PCDHA4: variants seen among roughly 807,000 people sequenced by gnomAD.
PCDHA4 encodes the protein protocadherin alpha 4.
Under a neutral mutation model 61.4 loss-of-function variants are expected in PCDHA4, and 49 were observed. That is an observed-to-expected ratio of 0.80 (90% confidence interval 0.63 to 1.01). PCDHA4 has a LOEUF of 1.01. Ranked by LOEUF, PCDHA4 falls within the 50% of genes least tolerant of loss-of-function variation. The probability of loss-of-function intolerance (pLI) is 0.00; values close to 1 mark genes in which losing one functional copy is unlikely to be tolerated. For synonymous variants in PCDHA4, 590 were observed against 550.3 expected (o/e 1.07, Z -1.01); for missense variants, 1,254 against 1,235.8 (o/e 1.01, Z -0.22).
chr5:140,829,811 G>T (rs1554132272), intron 1 of PCDHA4: 1 of 1,613,910 alleles, frequency 6.2e-7, no homozygotes, highest in Non-Finnish European at 8.5e-7. Flanking sequence ...GGGTGGTACT[G>T]GTGGTGCAGT....
chr5:140,915,306 A>G (rs999638953), intron 1 of PCDHA4, among the ~76,000 whole-genome samples: 1 of 152,136 alleles, frequency 6.6e-6, no homozygotes, highest in Non-Finnish European at 1.5e-5. Context: ...ATAAGTTTAC[A>G]TACCACAATT....
chr5:140,977,872 T>A (rs1554238851), intron 1 of PCDHA4, among the ~76,000 whole-genome samples: 1 of 152,258 alleles, frequency 6.6e-6, no homozygotes, highest in African/African-American at 2.4e-5. Flanking sequence ...ATGGTAAGTA[T>A]AATGTAGAGG....
rs376607115 is a variant in PCDHA4 at position 141,006,474 on chromosome 5, A to G, written c.2534-3153A>G. Among the ~76,000 whole-genome samples, 193 of 152,188 alleles carry G rather than the reference A, an allele frequency of 1.3e-3. 1 individual carries two copies. The highest frequency in any genetic ancestry group is 4.5e-3 in the African/African-American group (185 of 41,520). ...GAGATCTGCCTGTCTCGGCCTCCCA[A>G]AGTGCTGGGATTACATGTGTGAGCC... On this transcript the variant is annotated intron_variant, in intron 3 of 3. Transcript: ENST00000530339.
chr5:140,814,885 G>A (rs1765613574), intron 1 of PCDHA4: 1 of 152,188 alleles, frequency 6.6e-6, no homozygotes. Context: ...GGGTGCATAT[G>A]TATTTATAAT....
chr5:140,882,449 C>T (rs782741434), intron 1 of PCDHA4: 1 of 1,614,022 alleles, frequency 6.2e-7, no homozygotes, highest in Admixed American at 1.7e-5. Context: ...GGAGCTGGTG[C>T]CGCGCCTGTT....
intron 3 of PCDHA4, among the ~76,000 whole-genome samples, chr5:140,989,192 C>A (rs1458235302): frequency 6.6e-6 from 1 of 152,192 alleles, no homozygotes; most frequent in African/African-American, 2.4e-5. Context: ...GAATTACCCT[C>A]CCTTCTAGCT....
At chr5:140,965,442 G>A (rs782186943) in intron 1 of PCDHA4, among the ~76,000 whole-genome samples, 3 of 151,978 alleles carry the variant, frequency 2.0e-5, no homozygotes, top group Non-Finnish European at 4.4e-5. Flanking sequence ...CATTGAAATT[G>A]CTGGTTATTG....
Position 140,876,739 on chromosome 5 carries a change from C to T in PCDHA4, c.2385+67167C>T, listed in dbSNP as rs782400807. The T allele has an allele frequency of 7.4e-6, 12 of 1,614,126 alleles. No homozygotes were observed. The South Asian group carries it at 1.1e-4, about 15-fold the overall frequency. ...CCGCGAGAGCGTGTCGGCCTATGAG[C>T]TGGTGGTGACTGCGCGGGATGGGGG... On this transcript the variant is annotated intron_variant, in intron 1 of 3. Coordinates refer to ENST00000530339, the MANE Select transcript of PCDHA4 (RefSeq NM_018907.4).
In PCDHA4 at chr5:140,808,917, T is replaced by C. The variant is rs781794115; in HGVS notation, c.1730T>C (p.Val577Ala). Reference sequence around the variant, plus strand: ...CGGGCGGGTGGCACTGGTGGCGCAGTGAGCGAGCTGGTGCCATGGTCGGTG... The same window carrying C: ...CGGGCGGGTGGCACTGGTGGCGCAGCGAGCGAGCTGGTGCCATGGTCGGTG... The part of the protein sequence containing the change: ...APRAGGTGGA[V>A]SELVPWSVGV... The change falls in exon 1 of 4, where the codon GTG (valine) becomes GCG (alanine). Residue 577 changes from valine to alanine, a missense_variant. Physicochemically the swap from Val to Ala is moderately conservative, Grantham distance 64. Coordinates refer to ENST00000530339, the MANE Select transcript of PCDHA4 (RefSeq NM_018907.4). 4 of 1,613,602 alleles carry C rather than the reference T, an allele frequency of 2.5e-6. No individual in the cohort carries two copies. Among genetic ancestry groups the C allele is most frequent in the Non-Finnish European group, 3.4e-6 (4 of 1,179,830 alleles).
At position 141,010,158 on chromosome 5, in the gene PCDHA4, GT is replaced by G. The variant is rs1563735803; in HGVS notation, c.*225del. 1.3e-6 allele frequency: 2 copies of G among 1,570,690 alleles called. No homozygotes were observed. The highest frequency in any genetic ancestry group is 1.7e-6 in the Non-Finnish European group (2 of 1,156,884). ...TAACTCTTTCTCTCCACTCTGGCTT[GT>G]TTTCAGAACCTAAAAAGCAGACCCA... On this transcript the variant is annotated 3_prime_UTR_variant, in exon 4 of 4. Coordinates refer to ENST00000530339, the MANE Select transcript of PCDHA4 (RefSeq NM_018907.4).
In PCDHA4 at chr5:140,857,009, G is replaced by T; in HGVS notation, c.2385+47437G>T. 2 of 1,596,020 alleles carry T rather than the reference G, an allele frequency of 1.3e-6. 1 individual carries two copies. The highest frequency in any genetic ancestry group is 1.7e-6 in the Non-Finnish European group (2 of 1,165,702). On this transcript the variant is annotated intron_variant, in intron 1 of 3. Transcript: ENST00000530339. ...TAACACTTATGAAATTCATGTAGAT[G>T]TTACAGATAAGGGAAACCCACCTAT...
intron 1 of PCDHA4, among the ~76,000 whole-genome samples, chr5:140,902,478 T>C (rs190206747): frequency 6.6e-6 from 1 of 152,312 alleles, no homozygotes; most frequent in African/African-American, 2.4e-5. Context: ...AGTTTTTGCC[T>C]GCTCAGTATG....
chr5:140,856,501 T>A, intron 1 of PCDHA4: 1 of 1,598,302 alleles, frequency 6.3e-7, no homozygotes, highest in Non-Finnish European at 8.6e-7. Flanking sequence ...ACTCTCGATT[T>A]CCACTAGAAG....
intron 1 of PCDHA4, chr5:140,836,221 C>A (rs2150255716): frequency 1.2e-6 from 2 of 1,613,684 alleles, no homozygotes; most frequent in Non-Finnish European, 1.7e-6. Context: ...GAGTTGCAAC[C>A]GGTGGCGGCC....
chr5:140,854,743 GAT>G lies in PCDHA4; in HGVS notation c.2385+45176_2385+45177del, dbSNP rs1554147428. The G allele has an allele frequency of 2.0e-5, 3 of 149,440 alleles. 1 individual carries two copies. The highest frequency in any genetic ancestry group is 7.4e-5 in the African/African-American group (3 of 40,774). 9.3% of individuals were successfully genotyped at this position (149,440 alleles called of 1,614,324 possible). On this transcript the variant is annotated intron_variant, in intron 1 of 3. Coordinates refer to ENST00000530339, the MANE Select transcript of PCDHA4 (RefSeq NM_018907.4). ...AACTCAAGTTTTTTTCAGCAGCACAGATATATTACATTTTCATTCCTGAATAT... is the reference window on the plus strand; with the variant it reads ...AACTCAAGTTTTTTTCAGCAGCACAGATATTACATTTTCATTCCTGAATAT...
At chr5:140,844,072 C>T (rs1779214774) in intron 1 of PCDHA4, among the ~76,000 whole-genome samples, 1 of 149,460 alleles carries the variant, frequency 6.7e-6, no homozygotes, top group African/African-American at 2.5e-5. Context: ...TTCTTTTGTC[C>T]TTAGGCACTG....
At position 140,857,343 on chromosome 5, in the gene PCDHA4, C is replaced by T. The variant is rs565903992; in HGVS notation, c.2385+47771C>T. 68 of 1,598,512 alleles carry T rather than the reference C, an allele frequency of 4.3e-5. 8 individuals carry two copies. The South Asian group carries it at 4.3e-4, about 10-fold the overall frequency. On this transcript the variant is annotated intron_variant, in intron 1 of 3. Coordinates refer to ENST00000530339, the MANE Select transcript of PCDHA4 (RefSeq NM_018907.4). ...GTGACCGCGCGGGACGGGGGCTCGC[C>T]TCCGCTGTGGGCCACGGCCAGCGTG...
At chr5:140,983,588 C>T (rs530448589) in intron 3 of PCDHA4, among the ~76,000 whole-genome samples, 2 of 152,270 alleles carry the variant, frequency 1.3e-5, no homozygotes, top group East Asian at 3.9e-4. Flanking sequence ...TACATCTATT[C>T]TACATATGAG....
In PCDHA4 at chr5:140,842,738, C is replaced by T. The variant is rs1470514973; in HGVS notation, c.2385+33166C>T. The T allele has an allele frequency of 6.3e-7, 1 of 1,594,924 alleles. No homozygotes were observed. The highest frequency in any genetic ancestry group is 8.6e-7 in the Non-Finnish European group (1 of 1,165,426). ...GAAGGAGAACAACCCGCCGGGCTGCCACATCTTCACGGTGTCTGCGCGAGA... is the reference window on the plus strand; with the variant it reads ...GAAGGAGAACAACCCGCCGGGCTGCTACATCTTCACGGTGTCTGCGCGAGA... On this transcript the variant is annotated intron_variant, in intron 1 of 3. Coordinates refer to ENST00000530339, the MANE Select transcript of PCDHA4 (RefSeq NM_018907.4).
Sources: gnomAD v4.1 joint callset for allele counts (sites outside exome capture counted in the v4.1 genomes callset) on GRCh38, gnomAD v4.1.1 for gene constraint, MANE v1.5 for transcripts, NCBI Gene and HGNC (gene_info 2026-07-23, HGNC 2026-07-21) for gene names.